The following GALNT6 variants were observed in gnomAD, a reference collection of about 807,000 sequenced individuals.
GALNT6 encodes polypeptide N-acetylgalactosaminyltransferase 6.
In GALNT6, 51 loss-of-function variants were observed where a neutral mutation model predicts 65.9. That is an observed-to-expected ratio of 0.77 (90% confidence interval 0.62 to 0.98). The LOEUF (loss-of-function observed/expected upper bound fraction) is 0.98, where lower values mean the gene tolerates loss of function less well. GALNT6 is among the 50% of genes least tolerant of loss of function. The pLI is 0.00. For synonymous variants in GALNT6, 323 were observed against 315.1 expected (o/e 1.02, Z -0.26); for missense variants, 708 against 803.3 (o/e 0.88, Z 1.43).
Position 51,360,852 on chromosome 12 carries a change from G to A in GALNT6, c.1050-14C>T, listed in dbSNP as rs1946902899. 4 of 1,551,422 alleles carry A rather than the reference G, an allele frequency of 2.6e-6. No homozygotes were observed. Among genetic ancestry groups the A allele is most frequent in the South Asian group, 2.2e-5 (2 of 89,594 alleles). ...AACGTCGGGGATCTGGAGAGACAGA[G>A]GGAGAAGTGTGTGCATCTTCTGGGA... On this transcript the variant is annotated splice_polypyrimidine_tract_variant and intron_variant, in intron 6 of 11. Transcript: ENST00000356317.
At position 51,364,309 on chromosome 12, in the gene GALNT6, A is replaced by G; in HGVS notation, c.861T>C (p.Ala287=). The change falls in exon 6 of 12, where the codon GCT becomes GCC. Residue 287 remains alanine (A), a synonymous_variant. Transcript: ENST00000356317. ...GWLEPLLARI[A]EDKTVVVSPD... is the part of the protein sequence containing the mutation. Reference sequence around the variant, plus strand: ...GGCTCACCACCACTGTCTTGTCCTCAGCGATTCGAGCCAGGAGGGGCTCCA... The same window carrying G: ...GGCTCACCACCACTGTCTTGTCCTCGGCGATTCGAGCCAGGAGGGGCTCCA... The G allele has an allele frequency of 4.3e-6, 7 of 1,614,160 alleles. No homozygotes were observed. The highest frequency in any genetic ancestry group is 5.9e-6 in the Non-Finnish European group (7 of 1,180,026).
intron 8 of GALNT6, among the ~76,000 whole-genome samples, chr12:51,358,837 G>A (rs781766080): frequency 4.6e-5 from 7 of 152,164 alleles, no homozygotes; most frequent in South Asian, 2.1e-4. Flanking sequence ...GGCTCTCAGA[G>A]CCATTCCTCC....
At chr12:51,386,344 C>A (rs1344150005) in intron 2 of GALNT6, among the ~76,000 whole-genome samples, 6 of 138,290 alleles carry the variant, frequency 4.3e-5, no homozygotes, top group Admixed American at 4.3e-4. Flanking sequence ...CAGGCCTGTC[C>A]TCCCTGAGCC....
intron 11 of GALNT6, among the ~76,000 whole-genome samples, chr12:51,354,802 GC>G (rs1686205767): frequency 6.6e-6 from 1 of 152,148 alleles, no homozygotes; most frequent in South Asian, 2.1e-4. Context: ...AAGACCCAGG[GC>G]CACTGCTCCA....
At chr12:51,375,005 T>C (rs1006207512) in intron 4 of GALNT6, among the ~76,000 whole-genome samples, 1 of 152,044 alleles carries the variant, frequency 6.6e-6, no homozygotes, top group Non-Finnish European at 1.5e-5. Context: ...GCCTCCCGAG[T>C]AGCTGGGACT....
rs766058555 is a variant in GALNT6 at position 51,377,356 on chromosome 12, T to C, written c.503A>G (p.Gln168Arg). 76 of 1,612,340 alleles carry C rather than the reference T, an allele frequency of 4.7e-5. 1 individual carries two copies. In the Admixed American group the frequency reaches 1.1e-3, roughly 23 times the overall value. Residue 168 changes from glutamine (Q) to arginine (R), a missense_variant, in exon 4 of 12, where the codon CAG becomes CGG. By Grantham distance (43) the Gln-to-Arg change is conservative. Coordinates refer to ENST00000356317, the MANE Select transcript of GALNT6 (RefSeq NM_007210.4). ...CAGTGGGGGGCAGCGCCGGAACTTCTGGTCCACACACCTGGAAGTATGAAA... is the reference window on the plus strand; with the variant it reads ...CAGTGGGGGGCAGCGCCGGAACTTCCGGTCCACACACCTGGAAGTATGAAA... ...PDTRPPECVD[Q>R]KFRRCPPLAT...
rs1947026406 is a variant in GALNT6, at chr12:51,364,333, C to T, written c.837G>A (p.Leu279=). ...DAHCECFHGW[L]EPLLARIAED... ...CAGCGATTCGAGCCAGGAGGGGCTC[C>T]AGCCAGCCGTGGAAGCACTCACCTG... The change falls in exon 6 of 12, where the codon CTG becomes CTA. Residue 279 remains leucine (L), a synonymous_variant. Coordinates refer to ENST00000356317, the MANE Select transcript of GALNT6 (RefSeq NM_007210.4). 1.2e-6 allele frequency: 2 copies of T among 1,613,998 alleles called. No individual in the cohort carries two copies. Among genetic ancestry groups the T allele is most frequent in the Non-Finnish European group, 1.7e-6 (2 of 1,179,956 alleles).
chr12:51,380,173 A>G (rs1947617659), intron 2 of GALNT6, among the ~76,000 whole-genome samples: 1 of 152,192 alleles, frequency 6.6e-6, no homozygotes, highest in Non-Finnish European at 1.5e-5. Flanking sequence ...TGGCTTTGGG[A>G]AACAACTTGG....
intron 2 of GALNT6, among the ~76,000 whole-genome samples, chr12:51,386,831 A>G (rs1468957224): frequency 1.3e-5 from 2 of 151,980 alleles, no homozygotes; most frequent in Non-Finnish European, 2.9e-5. Context: ...CAAACACAGC[A>G]CTCATCTCAA....
At chr12:51,388,878 C>A (rs947599332) in intron 2 of GALNT6, among the ~76,000 whole-genome samples, 1 of 152,170 alleles carries the variant, frequency 6.6e-6, no homozygotes, top group Admixed American at 6.5e-5. Context: ...GACTGGGTTG[C>A]TTTCTTCCTT....
rs746980705 is a variant in GALNT6 at position 51,379,599 on chromosome 12, C to G, written c.183G>C (p.Met61Ile). 2 of 1,614,130 alleles carry G rather than the reference C, an allele frequency of 1.2e-6. No individual in the cohort carries two copies. The highest frequency in any genetic ancestry group is 8.5e-7 in the Non-Finnish European group (1 of 1,179,998). ...TGGGCATTGAATCTCTAAGGTTGTT[C>G]ATGGCCTCCAGCATGAGGTCCAGGA... ...DHVLDLMLEA[M>I]NNLRDSMPKL... The change falls in exon 3 of 12, where the codon ATG becomes ATC. Residue 61 changes from methionine to isoleucine, a missense_variant. Physicochemically the swap from Met to Ile is conservative, Grantham distance 10. Transcript: ENST00000356317.
At chr12:51,379,177 A>C in intron 3 of GALNT6, 114 bp downstream of exon 3, 7 of 1,006,458 alleles carry the variant, frequency 7.0e-6, no homozygotes, top group Non-Finnish European at 1.0e-5. Context: ...CCTTGCCCAT[A>C]TTATAAAATT....
At chr12:51,371,549 G>A (rs1427132950) in intron 4 of GALNT6, among the ~76,000 whole-genome samples, 4 of 152,144 alleles carry the variant, frequency 2.6e-5, no homozygotes, top group Non-Finnish European at 4.4e-5. Context: ...CCGGTGAAAA[G>A]AGCTCCCTAA....
intron 2 of GALNT6, among the ~76,000 whole-genome samples, chr12:51,384,089 C>T (rs944049041): frequency 5.9e-5 from 9 of 152,186 alleles, no homozygotes; most frequent in African/African-American, 2.2e-4. Flanking sequence ...TTCCCTCTCG[C>T]TGTGGCTCAG....
At chr12:51,358,093 G>A in intron 9 of GALNT6, 37 bp downstream of exon 9, 1 of 1,600,936 alleles carries the variant, frequency 6.2e-7, no homozygotes, top group Non-Finnish European at 8.6e-7. Flanking sequence ...AAGGGGTGCT[G>A]TGGTGATGGG....
Position 51,365,479 on chromosome 12 carries a change from C to T in GALNT6, c.765G>A (p.Leu255=). The stretch of plus-strand genomic sequence containing the variant: ...CCTCCGCCTGTGCCACGCTGGCCCC[C>T]AGCAGCCGGGCGGTGATCAGCCCCT... The part of the protein sequence containing the change: ...ERKGLITARL[L]GASVAQAEVL... The change falls in exon 5 of 12, where the codon CTG becomes CTA. Residue 255 remains leucine (L), a synonymous_variant. Coordinates refer to ENST00000356317, the MANE Select transcript of GALNT6 (RefSeq NM_007210.4). The T allele has an allele frequency of 4.3e-6, 7 of 1,612,240 alleles. No individual in the cohort carries two copies. Among genetic ancestry groups the T allele is most frequent in the Non-Finnish European group, 5.9e-6 (7 of 1,179,952 alleles).
rs35597472 is a variant in GALNT6, at chr12:51,365,521, C to T, written c.723G>A (p.Val241=). Residue 241 remains valine (V), a synonymous_variant, in exon 5 of 12, where the codon GTG becomes GTA. Transcript: ENST00000356317. ...YVKQLQVVRV[V]RQEERKGLIT... ...TCAGCCCCTTCCGCTCCTCCTGCCG[C>T]ACCACCCTCACCACCTGCAGCTGCT... 6,867 of 1,612,986 alleles carry T rather than the reference C, an allele frequency of 4.3e-3. 14 individuals are homozygous for T. Among genetic ancestry groups the T allele is most frequent in the Non-Finnish European group, 5.4e-3 (6,314 of 1,179,976 alleles).
chr12:51,377,104 G>A, intron 4 of GALNT6, 91 bp downstream of exon 4: 1 of 1,067,370 alleles, frequency 9.4e-7, no homozygotes, highest in Non-Finnish European at 1.4e-6. Flanking sequence ...GGCTCATGAG[G>A]TGGTGCCTGC....
intron 4 of GALNT6, among the ~76,000 whole-genome samples, chr12:51,374,574 G>C (rs1947392617): frequency 6.6e-6 from 1 of 152,172 alleles, no homozygotes; most frequent in Admixed American, 6.5e-5. Context: ...CAGCTCTACT[G>C]GAGTGGCCCC....
Sources: allele counts gnomAD v4.1 joint callset (sites outside exome capture counted in the v4.1 genomes callset), GRCh38; gene constraint gnomAD v4.1.1; transcripts MANE v1.5; gene names NCBI Gene and HGNC (gene_info 2026-07-23, HGNC 2026-07-21).